TMEM182: variants seen among roughly 807,000 people sequenced by gnomAD.
TMEM182 encodes transmembrane protein 182.
A neutral mutation model predicts 26.8 loss-of-function variants in TMEM182; 20 were observed. The ratio of observed to expected loss-of-function variants is 0.75; its 90% CI spans 0.53 to 1.09. The LOEUF (loss-of-function observed/expected upper bound fraction) is 1.09. Ranked by LOEUF, TMEM182 falls within the 50% of genes least tolerant of loss-of-function variation. The pLI, the probability that TMEM182 is intolerant of heterozygous loss-of-function variation, is 0.00. For synonymous variants in TMEM182, 109 were observed against 102.2 expected (o/e 1.07, Z -0.40); for missense variants, 277 against 275.5 (o/e 1.01, Z -0.04).
intron 3 of TMEM182, among the ~76,000 whole-genome samples, chr2:102,827,815 T>C (rs1573577089): frequency 6.6e-6 from 1 of 152,194 alleles, no homozygotes; most frequent in Non-Finnish European, 1.5e-5. Context: ...TAAAAATGAC[T>C]TGTGGCTTAG....
At chr2:102,745,160 C>A (rs1679655443) in intron 1 of TMEM182, among the ~76,000 whole-genome samples, 1 of 150,760 alleles carries the variant, frequency 6.6e-6, no homozygotes, top group Non-Finnish European at 1.5e-5. Context: ...TTCTATTGAT[C>A]TGTGTTTACG....
At chr2:102,740,269 C>A (rs896684839) in intron 1 of TMEM182, among the ~76,000 whole-genome samples, 3 of 152,152 alleles carry the variant, frequency 2.0e-5, no homozygotes, top group African/African-American at 7.2e-5. Context: ...TTCCCTTAAT[C>A]CCCATGTGTT....
chr2:102,752,289 GCTAC>G (rs1349025829), intron 1 of TMEM182, among the ~76,000 whole-genome samples: 1 of 152,218 alleles, frequency 6.6e-6, no homozygotes, highest in Non-Finnish European at 1.5e-5. Context: ...CAGTGTGAGA[GCTAC>G]CTAAGTGTTG....
chr2:102,756,435 C>T (rs10201748), intron 1 of TMEM182, among the ~76,000 whole-genome samples: 1,902 of 152,230 alleles, frequency 0.012, 47 homozygotes, highest in African/African-American at 0.044. Context: ...CTGCCGGGTG[C>T]AGTGGCTCAC....
At chr2:102,798,579 C>A (rs1681981127) in intron 4 of TMEM182, among the ~76,000 whole-genome samples, 1 of 152,146 alleles carries the variant, frequency 6.6e-6, no homozygotes, top group African/African-American at 2.4e-5. Context: ...TGGCTCACAC[C>A]TGTAGTCCCA....
chr2:102,771,360 C>G (rs995466060), intron 3 of TMEM182, among the ~76,000 whole-genome samples: 1 of 152,280 alleles, frequency 6.6e-6, no homozygotes, highest in East Asian at 1.9e-4. Flanking sequence ...GGGACCCCAG[C>G]CCAGGCTCCA....
At chr2:102,838,151 A>G (rs1420393166) in intron 3 of TMEM182, among the ~76,000 whole-genome samples, 2 of 152,140 alleles carry the variant, frequency 1.3e-5, no homozygotes, top group Non-Finnish European at 2.9e-5. Context: ...TGCTGCACGG[A>G]AGTAGGTTTT....
Position 102,825,795 on chromosome 2 carries a change from T to C in TMEM182, c.326-17617T>C, listed in dbSNP as rs567751459. Among the ~76,000 whole-genome samples the C allele has an allele frequency of 1.2e-3, 177 of 152,302 alleles. 1 individual carries two copies. The South Asian group carries it at 0.036, about 31-fold the overall frequency. On this transcript the variant is annotated intron_variant, in intron 3 of 3. Coordinates refer to the TMEM182 transcript ENST00000486293. ...TAGCTTCTCTTACTTTGTCTGGTGG[T>C]GTCAGTCCCATTGGAGAGTTGAGGC...
intron 3 of TMEM182, among the ~76,000 whole-genome samples, chr2:102,837,559 G>A (rs1277311937): frequency 5.6e-5 from 6 of 108,034 alleles, no homozygotes; most frequent in Non-Finnish European, 1.2e-4. Flanking sequence ...GGTTCAGGGG[G>A]TCTGGGGGCT....
intron 3 of TMEM182, among the ~76,000 whole-genome samples, chr2:102,826,988 A>C (rs892170196): frequency 5.3e-5 from 8 of 152,218 alleles, no homozygotes; most frequent in African/African-American, 1.7e-4. Flanking sequence ...ACACAGCAAG[A>C]TAATGAAAAA....
chr2:102,779,655 T>C (rs1681075064), intron 3 of TMEM182, among the ~76,000 whole-genome samples: 1 of 152,198 alleles, frequency 6.6e-6, no homozygotes, highest in Non-Finnish European at 1.5e-5. Context: ...TATCTTCCAA[T>C]TCTAAAATTT....
At chr2:102,842,169 C>G (rs191014006) in intron 3 of TMEM182, among the ~76,000 whole-genome samples, 94 of 152,272 alleles carry the variant, frequency 6.2e-4, no homozygotes, top group Non-Finnish European at 1.0e-3. Context: ...CCTGCTCCCC[C>G]CTGCAATGAC....
At chr2:102,808,864 T>C (rs1265900472) in intron 4 of TMEM182, among the ~76,000 whole-genome samples, 1 of 152,216 alleles carries the variant, frequency 6.6e-6, no homozygotes, top group Non-Finnish European at 1.5e-5. Context: ...CCATTTATAA[T>C]GACGTTCTAA....
At chr2:102,798,564 T>G (rs1291230702) in intron 4 of TMEM182, among the ~76,000 whole-genome samples, 1 of 152,106 alleles carries the variant, frequency 6.6e-6, no homozygotes. Flanking sequence ...TGATGCCAGG[T>G]GTGGTGGCTC....
chr2:102,739,686 A>G (rs556444884), intron 1 of TMEM182, among the ~76,000 whole-genome samples: 4 of 152,282 alleles, frequency 2.6e-5, no homozygotes, highest in African/African-American at 7.2e-5. Flanking sequence ...AGGCCTGTCC[A>G]GAAGCCAAGC....
At chr2:102,820,598 G>T (rs980639119), downstream of TMEM182, among the ~76,000 whole-genome samples, 1 of 152,194 alleles carries the variant, frequency 6.6e-6, no homozygotes, top group Non-Finnish European at 1.5e-5. Flanking sequence ...ACATAAAGGG[G>T]CTAACTGGGT....
chr2:102,748,560 A>C (rs934073323), intron 1 of TMEM182, among the ~76,000 whole-genome samples: 4 of 152,170 alleles, frequency 2.6e-5, no homozygotes, highest in Non-Finnish European at 5.9e-5. Context: ...CTTGAATTCT[A>C]TTTTTTAGTC....
chr2:102,818,758 C>CTATCTATCTATCTATCTATG (rs1682837221), downstream of TMEM182, among the ~76,000 whole-genome samples: 3 of 151,734 alleles, frequency 2.0e-5, no homozygotes, highest in Admixed American at 6.6e-5. Context: ...ATCTATCTAT[C>CTATCTATCTATCTATCTATG]TATCTATCTA....
chr2:102,750,717 C>T (rs1473988557), intron 1 of TMEM182, among the ~76,000 whole-genome samples: 1 of 152,154 alleles, frequency 6.6e-6, no homozygotes, highest in Non-Finnish European at 1.5e-5. Flanking sequence ...TGGTTTCCAA[C>T]CTGTTTGGAA....
Sources: gnomAD v4.1 joint callset for allele counts (sites outside exome capture counted in the v4.1 genomes callset) on GRCh38, gnomAD v4.1.1 for gene constraint, MANE v1.5 for transcripts, NCBI Gene and HGNC (gene_info 2026-07-23, HGNC 2026-07-21) for gene names.